NOL4: variants seen among roughly 807,000 people sequenced by gnomAD.
NOL4 encodes the protein nucleolar protein 4.
NOL4 carries 17 observed loss-of-function variants against 75.9 expected under a neutral mutation model. That is an observed-to-expected ratio of 0.22 (90% CI 0.15 to 0.34). The LOEUF is 0.34. Ranked by LOEUF, NOL4 falls within the 10% of genes least tolerant of loss-of-function variation. The pLI is 1.00. For synonymous variants in NOL4, 292 were observed against 289.9 expected (o/e 1.01, Z -0.07); for missense variants, 614 against 793.5 (o/e 0.77, Z 2.72).
At chr18:34,142,989 A>G (rs924531117) in intron 1 of NOL4, among the ~76,000 whole-genome samples, 2 of 152,146 alleles carry the variant, frequency 1.3e-5, no homozygotes, top group African/African-American at 4.8e-5. Context: ...CTAGCTCAAT[A>G]AAGCTGTTAA....
chr18:33,869,903 G>A (rs574462365), intron 10 of NOL4, among the ~76,000 whole-genome samples: 1 of 152,064 alleles, frequency 6.6e-6, no homozygotes, highest in South Asian at 2.1e-4. Flanking sequence ...AATCATTTTC[G>A]TGAACCTAGA....
chr18:34,103,884 G>A (rs943350730), intron 4 of NOL4, among the ~76,000 whole-genome samples, 163 bp downstream of exon 4: 7 of 151,980 alleles, frequency 4.6e-5, no homozygotes, highest in African/African-American at 1.7e-4. Context: ...TTGTGGACTA[G>A]GAGTTTCTGC....
At chr18:34,164,100 T>C (rs1371895189) in intron 1 of NOL4, among the ~76,000 whole-genome samples, 1 of 152,134 alleles carries the variant, frequency 6.6e-6, no homozygotes, top group Non-Finnish European at 1.5e-5. Flanking sequence ...CCAAGATGGA[T>C]TAAAGACTTA....
intron 5 of NOL4, among the ~76,000 whole-genome samples, chr18:34,057,021 G>T (rs893924968): frequency 6.6e-6 from 1 of 152,160 alleles, no homozygotes; most frequent in African/African-American, 2.4e-5. Flanking sequence ...GACTTAGGAA[G>T]ATTTGTTTCT....
At chr18:34,138,279 G>A (rs1443177358) in intron 1 of NOL4, among the ~76,000 whole-genome samples, 1 of 152,088 alleles carries the variant, frequency 6.6e-6, no homozygotes, top group Non-Finnish European at 1.5e-5. Flanking sequence ...ACACATGCCT[G>A]TAGTCCCAGA....
At chr18:34,033,673 A>G (rs971784194) in intron 5 of NOL4, among the ~76,000 whole-genome samples, 1 of 152,150 alleles carries the variant, frequency 6.6e-6, no homozygotes, top group African/African-American at 2.4e-5. Flanking sequence ...GAAGAAATTT[A>G]GACATTCAGA....
At chr18:33,884,552 A>G (rs116559106) in intron 9 of NOL4, among the ~76,000 whole-genome samples, 2,576 of 152,184 alleles carry the variant, frequency 0.017, 66 homozygotes, top group African/African-American at 0.058. Context: ...TCAGCTGTGA[A>G]TTTATAAGAC....
At chr18:33,986,858 G>A (rs1174375787) in intron 6 of NOL4, among the ~76,000 whole-genome samples, 1 of 152,078 alleles carries the variant, frequency 6.6e-6, no homozygotes, top group East Asian at 1.9e-4. Context: ...AAAAACTGGA[G>A]AAAGCACAAA....
intron 1 of NOL4, among the ~76,000 whole-genome samples, chr18:34,206,622 C>G (rs889630470): frequency 6.6e-6 from 1 of 152,138 alleles, no homozygotes; most frequent in African/African-American, 2.4e-5. Context: ...TGTTTGCCTA[C>G]AAATAACGTG....
chr18:33,920,536 T>C (rs558822786), intron 9 of NOL4, among the ~76,000 whole-genome samples: 1 of 152,324 alleles, frequency 6.6e-6, no homozygotes, highest in African/African-American at 2.4e-5. Context: ...TGAATTTGCC[T>C]ACATGAAGAA....
At chr18:34,009,095 C>T (rs1369273812) in intron 6 of NOL4, among the ~76,000 whole-genome samples, 2 of 151,162 alleles carry the variant, frequency 1.3e-5, no homozygotes, top group African/African-American at 4.9e-5. Flanking sequence ...AGGTAGTGAT[C>T]AGGAGAGGTG....
At chr18:33,960,103 T>C (rs1264013177) in intron 6 of NOL4, among the ~76,000 whole-genome samples, 1 of 152,112 alleles carries the variant, frequency 6.6e-6, no homozygotes, top group African/African-American at 2.4e-5. Flanking sequence ...TATTTACATT[T>C]TCTTATAGAA....
intron 1 of NOL4, among the ~76,000 whole-genome samples, chr18:34,170,141 G>T (rs1008409110): frequency 6.6e-6 from 1 of 151,606 alleles, no homozygotes; most frequent in Non-Finnish European, 1.5e-5. Context: ...CCCTTGAAAT[G>T]TGAATAGTCT....
chr18:34,092,166 G>T (rs2078553932), intron 5 of NOL4, among the ~76,000 whole-genome samples: 1 of 151,404 alleles, frequency 6.6e-6, no homozygotes, highest in Admixed American at 6.6e-5. Flanking sequence ...GTTACTCTAT[G>T]ATCTTGGTAC....
At chr18:34,073,534 T>C (rs920989271) in intron 5 of NOL4, among the ~76,000 whole-genome samples, 1 of 152,050 alleles carries the variant, frequency 6.6e-6, no homozygotes, top group Non-Finnish European at 1.5e-5. Context: ...TGTTATATTA[T>C]ATTGTTTAGG....
At chr18:33,985,938 T>C (rs1035475078) in intron 6 of NOL4, among the ~76,000 whole-genome samples, 9 of 152,144 alleles carry the variant, frequency 5.9e-5, no homozygotes, top group African/African-American at 1.2e-4. Context: ...GAAATTGGGA[T>C]ATAGATATGT....
intron 10 of NOL4, among the ~76,000 whole-genome samples, chr18:33,859,545 GC>G (rs1274408709): frequency 6.6e-6 from 1 of 151,980 alleles, no homozygotes; most frequent in African/African-American, 2.4e-5. Flanking sequence ...ATTTCTCCTT[GC>G]TATTTTGTTA....
At chr18:34,059,089 T>C (rs1600432582) in intron 5 of NOL4, among the ~76,000 whole-genome samples, 1 of 131,682 alleles carries the variant, frequency 7.6e-6, no homozygotes, top group African/African-American at 2.8e-5. Flanking sequence ...ATGTTAAAAA[T>C]CACACATATA....
chr18:34,047,555 C>G (rs2076436870), intron 5 of NOL4, among the ~76,000 whole-genome samples: 1 of 151,972 alleles, frequency 6.6e-6, no homozygotes, highest in Non-Finnish European at 1.5e-5. Context: ...TATGTAAAAT[C>G]TACATAGTTT....
Sources: gnomAD v4.1 joint callset for allele counts (sites outside exome capture counted in the v4.1 genomes callset) on GRCh38, gnomAD v4.1.1 for gene constraint, MANE v1.5 for transcripts, NCBI Gene and HGNC (gene_info 2026-07-23, HGNC 2026-07-21) for gene names.